Variants in PHACTR3 observed in about 807,000 individuals in gnomAD.
PHACTR3 encodes the protein protein phosphatase 1, regulatory subunit 123.
Under a neutral mutation model 66.8 loss-of-function variants are expected in PHACTR3, and 16 were observed. That is an observed-to-expected ratio of 0.24 (90% CI 0.16 to 0.36). The LOEUF (loss-of-function observed/expected upper bound fraction) is 0.36, where lower values mean the gene tolerates loss of function less well. Ranked by LOEUF, PHACTR3 falls within the 10% of genes least tolerant of loss-of-function variation. The probability of loss-of-function intolerance (pLI) is 1.00; values close to 1 mark genes in which losing one functional copy is unlikely to be tolerated. For missense variants in PHACTR3, 647 were observed against 719.9 expected (o/e 0.90, Z 1.16); for synonymous variants, 323 against 292.1 (o/e 1.11, Z -1.08).
chr20:59,817,123 T>A (rs1351939631), intron 8 of PHACTR3, among the ~76,000 whole-genome samples: 2 of 152,250 alleles, frequency 1.3e-5, no homozygotes. Flanking sequence ...TGAATATCTC[T>A]CTTTGCATAG....
At chr20:59,819,096 G>A (rs2041962488) in intron 8 of PHACTR3, among the ~76,000 whole-genome samples, 1 of 152,168 alleles carries the variant, frequency 6.6e-6, no homozygotes, top group East Asian at 1.9e-4. Flanking sequence ...CGTGCCTGGA[G>A]TGAAGAGGAC....
intron 1 of PHACTR3, among the ~76,000 whole-genome samples, chr20:59,644,734 C>A (rs1399761943): frequency 1.3e-5 from 2 of 152,226 alleles, no homozygotes; most frequent in East Asian, 3.8e-4. Context: ...TGGGGGCTCT[C>A]CCTGCACCAG....
upstream of PHACTR3, among the ~76,000 whole-genome samples, chr20:59,600,831 C>T (rs996837073): frequency 6.6e-6 from 1 of 152,048 alleles, no homozygotes; most frequent in Non-Finnish European, 1.5e-5. Flanking sequence ...GAGCTTCTAT[C>T]TGATCTAGAA....
In PHACTR3 at chr20:59,773,276, C is replaced by T. The variant is rs1043187731; in HGVS notation, c.752-3C>T. On this transcript the variant is annotated splice_polypyrimidine_tract_variant and splice_region_variant and intron_variant, in intron 5 of 12. Coordinates refer to ENST00000371015, the MANE Select transcript of PHACTR3 (RefSeq NM_080672.5). ...GTTCTTGCTGCTTCCTCCCACACCC[C>T]AGGCCAAGCCACACTCTTCCAAGCC... The T allele has an allele frequency of 1.2e-6, 2 of 1,612,642 alleles. No homozygotes were observed. The highest frequency in any genetic ancestry group is 2.7e-5 in the African/African-American group (2 of 74,908).
intron 1 of PHACTR3, among the ~76,000 whole-genome samples, chr20:59,663,012 C>G (rs1409448018): frequency 1.3e-5 from 2 of 152,242 alleles, no homozygotes; most frequent in Non-Finnish European, 2.9e-5. Flanking sequence ...GGGCTGAAAC[C>G]TGCCCTTGAA....
At chr20:59,596,031 T>C (rs902019014) in intron 1 of PHACTR3, among the ~76,000 whole-genome samples, 16 of 152,260 alleles carry the variant, frequency 1.1e-4, no homozygotes, top group African/African-American at 2.9e-4. Context: ...GAATATAACC[T>C]GGATCCCAAA....
At chr20:59,584,740 G>A (rs1474569938) in intron 1 of PHACTR3, among the ~76,000 whole-genome samples, 2 of 152,068 alleles carry the variant, frequency 1.3e-5, no homozygotes, top group Non-Finnish European at 2.9e-5. Context: ...TCCTTCTGAC[G>A]GAAGGCTCCT....
chr20:59,764,539 C>T (rs2040113871), intron 4 of PHACTR3, among the ~76,000 whole-genome samples: 1 of 152,100 alleles, frequency 6.6e-6, no homozygotes, highest in African/African-American at 2.4e-5. Flanking sequence ...GAGACTGAGA[C>T]TCACTAAGCA....
At chr20:59,752,916 TG>T in intron 3 of PHACTR3, among the ~76,000 whole-genome samples, 1 of 152,148 alleles carries the variant, frequency 6.6e-6, no homozygotes, top group Non-Finnish European at 1.5e-5. Context: ...TGCCAGGGGC[TG>T]GGTAAGCTGT....
In PHACTR3 at chr20:59,637,957, C is replaced by A. The variant is rs141013501; in HGVS notation, c.118+32825C>A. On this transcript the variant is annotated intron_variant, in intron 1 of 12. Coordinates refer to ENST00000371015, the MANE Select transcript of PHACTR3 (RefSeq NM_080672.5). ...TCTAAGAGATTCCCATTATTATTAT[C>A]CCCATTTTGAGCATGAGGAAACTAA... Among the ~76,000 whole-genome samples, 719 of 152,250 alleles carry A rather than the reference C, an allele frequency of 4.7e-3. 7 individuals are homozygous for A. The highest frequency in any genetic ancestry group is 0.016 in the African/African-American group (676 of 41,542).
intron 8 of PHACTR3, among the ~76,000 whole-genome samples, chr20:59,832,959 C>T (rs10153964): frequency 0.02 from 3,084 of 152,290 alleles, 121 homozygotes; most frequent in African/African-American, 0.068. Context: ...ACCTGGCAGT[C>T]AGGGGTCTTC....
chr20:59,755,060 G>T, intron 3 of PHACTR3, 122 bp from the exon 4 acceptor site: 1 of 951,610 alleles, frequency 1.1e-6, no homozygotes, highest in Non-Finnish European at 1.5e-6. Flanking sequence ...TGTGGTGAGG[G>T]GGAGAGGGGT....
intron 1 of PHACTR3, among the ~76,000 whole-genome samples, chr20:59,725,183 A>C: frequency 7.3e-6 from 1 of 136,384 alleles, no homozygotes; most frequent in African/African-American, 2.8e-5. Flanking sequence ...AAGGCTGTGA[A>C]CCCAGGTGTG....
intron 1 of PHACTR3, among the ~76,000 whole-genome samples, chr20:59,621,811 G>A (rs1600935966): frequency 6.6e-6 from 1 of 152,274 alleles, no homozygotes; most frequent in East Asian, 1.9e-4. Context: ...ACAAAGGAAG[G>A]GAGGTCACCT....
chr20:59,690,364 T>C (rs1012227633), intron 1 of PHACTR3, among the ~76,000 whole-genome samples: 2 of 152,238 alleles, frequency 1.3e-5, no homozygotes, highest in African/African-American at 4.8e-5. Context: ...TCCTGTCTGA[T>C]GCCCTTTGGC....
At chr20:59,650,030 G>C (rs914394323) in intron 1 of PHACTR3, among the ~76,000 whole-genome samples, 1 of 152,016 alleles carries the variant, frequency 6.6e-6, no homozygotes, top group Admixed American at 6.6e-5. Context: ...GAAATACTAG[G>C]CTCTAGATAT....
At chr20:59,824,785 G>A (rs909802833) in intron 8 of PHACTR3, among the ~76,000 whole-genome samples, 1 of 152,208 alleles carries the variant, frequency 6.6e-6, no homozygotes, top group Non-Finnish European at 1.5e-5. Flanking sequence ...CAGTGGGGGG[G>A]CGGGGGGAGG....
At chr20:59,764,150 A>T (rs1419377297) in intron 4 of PHACTR3, among the ~76,000 whole-genome samples, 1 of 152,118 alleles carries the variant, frequency 6.6e-6, no homozygotes, top group Non-Finnish European at 1.5e-5. Context: ...GTGCTTATCT[A>T]GTGAAGTCTT....
At chr20:59,824,890 C>A (rs2042140588) in intron 8 of PHACTR3, among the ~76,000 whole-genome samples, 1 of 152,140 alleles carries the variant, frequency 6.6e-6, no homozygotes, top group Non-Finnish European at 1.5e-5. Context: ...TTTGGCACAA[C>A]CACACACTCC....
Sources: allele counts gnomAD v4.1 joint callset (sites outside exome capture counted in the v4.1 genomes callset), GRCh38; gene constraint gnomAD v4.1.1; transcripts MANE v1.5; gene names NCBI Gene and HGNC (gene_info 2026-07-23, HGNC 2026-07-21).